The following KIF13B variants were observed in gnomAD, a reference collection of about 807,000 sequenced individuals.
KIF13B encodes the protein kinesin-like protein KIF13B.
Under a neutral mutation model 222.0 loss-of-function variants are expected in KIF13B, and 127 were observed. The ratio of observed to expected loss-of-function variants is 0.57; its 90% CI spans 0.50 to 0.66. The LOEUF (loss-of-function observed/expected upper bound fraction) is 0.66. Among genes scored for constraint, KIF13B ranks in the 30% least tolerant of loss-of-function variants. The pLI is 0.00. For missense variants in KIF13B, 2,173 were observed against 2,379.0 expected, an observed-to-expected ratio of 0.91 and a Z score of 1.80; for synonymous variants, 976 against 919.0, an observed-to-expected ratio of 1.06 and a Z score of -1.12.
At chr8:29,218,254 T>C (rs1157150506) in intron 2 of KIF13B, among the ~76,000 whole-genome samples, 1 of 152,190 alleles carries the variant, frequency 6.6e-6, no homozygotes, top group Non-Finnish European at 1.5e-5. Context: ...TGCCAAATTG[T>C]AGGCATTCAG....
rs1811492091 is a variant in KIF13B, at chr8:29,155,753, A to G, written c.1508T>C (p.Val503Ala). The change falls in exon 14 of 40, where the codon GTT becomes GCT. Residue 503 changes from valine to alanine, a missense_variant. By Grantham distance (64) the Val-to-Ala change is moderately conservative. This residue lies in a region of KIF13B where 1,480 missense variants were observed against 1,722.8 expected (regional missense o/e 0.86). Transcript: ENST00000524189. ...GGTGTTCTTCTGAGGAGTCAGCATAACCTGGCCTTCTGACGTGATGTCTAT... is the reference window on the plus strand; with the variant it reads ...GGTGTTCTTCTGAGGAGTCAGCATAGCCTGGCCTTCTGACGTGATGTCTAT... ...CIIDITSEGQ[V>A]MLTPQKNTRT... 6.2e-7 allele frequency: 1 copy of G among 1,605,448 alleles called. No homozygotes were observed. The highest frequency in any genetic ancestry group is 8.5e-7 in the Non-Finnish European group (1 of 1,175,468).
intron 2 of KIF13B, among the ~76,000 whole-genome samples, chr8:29,209,467 G>C (rs1013696858): frequency 1.3e-5 from 2 of 152,182 alleles, no homozygotes; most frequent in African/African-American, 4.8e-5. Flanking sequence ...GCCAGTGAAA[G>C]GGGAGGTTAG....
intron 12 of KIF13B, among the ~76,000 whole-genome samples, chr8:29,162,702 T>C (rs750770943): frequency 6.6e-5 from 10 of 152,212 alleles, no homozygotes; most frequent in Admixed American, 3.9e-4. Context: ...AAACTGTCAA[T>C]TCATTATTCC....
intron 2 of KIF13B, among the ~76,000 whole-genome samples, chr8:29,208,376 T>C (rs777577189): frequency 1.2e-4 from 19 of 152,210 alleles, no homozygotes; most frequent in Non-Finnish European, 2.4e-4. Flanking sequence ...TGCTGCATCA[T>C]AGTCACAAAA....
chr8:29,139,441 T>C lies in KIF13B; in HGVS notation c.2613+622A>G, dbSNP rs140714000. Among the ~76,000 whole-genome samples, 1,383 of 152,208 alleles carry C rather than the reference T, an allele frequency of 9.1e-3. 8 individuals carry two copies. Among genetic ancestry groups the C allele is most frequent in the African/African-American group, 0.018 (731 of 41,508 alleles). ...AGCTGCTCTGAAATCAAGTACAATA[T>C]AATAAAAATGAACCCTTCAGTGAAT... On this transcript the variant is annotated intron_variant, in intron 21 of 39. Coordinates refer to ENST00000524189, the MANE Select transcript of KIF13B (RefSeq NM_015254.4).
chr8:29,162,010 C>T (rs940054549), intron 12 of KIF13B, among the ~76,000 whole-genome samples: 3 of 152,140 alleles, frequency 2.0e-5, no homozygotes, highest in Admixed American at 6.5e-5. Context: ...TTTCATAACA[C>T]GGGCCTTTCC....
intron 7 of KIF13B, among the ~76,000 whole-genome samples, chr8:29,180,954 G>A (rs186219412): frequency 7.2e-4 from 109 of 152,212 alleles, no homozygotes; most frequent in African/African-American, 2.6e-3. Flanking sequence ...TGCAAAAGTC[G>A]ACTAGATGCT....
chr8:29,157,683 C>T (rs1034370708), intron 13 of KIF13B, among the ~76,000 whole-genome samples: 4 of 151,206 alleles, frequency 2.6e-5, no homozygotes, highest in Non-Finnish European at 2.9e-5. Flanking sequence ...CCAGCCTGGG[C>T]GAAAGAGCAA....
At chr8:29,133,011 A>G (rs189631566) in intron 22 of KIF13B, among the ~76,000 whole-genome samples, 1 of 152,328 alleles carries the variant, frequency 6.6e-6, no homozygotes, top group East Asian at 1.9e-4. Flanking sequence ...CAGTTTATTA[A>G]AGAAATCACA....
chr8:29,250,245 A>T (rs936299288), intron 1 of KIF13B, among the ~76,000 whole-genome samples: 1 of 152,222 alleles, frequency 6.6e-6, no homozygotes, highest in Non-Finnish European at 1.5e-5. Flanking sequence ...CAGGCCTGAA[A>T]AAAATGGGTG....
chr8:29,082,695 C>T (rs1469943646), intron 37 of KIF13B, among the ~76,000 whole-genome samples: 3 of 151,964 alleles, frequency 2.0e-5, no homozygotes, highest in Admixed American at 6.6e-5. Flanking sequence ...CTGATTTAAG[C>T]GTTCATATAA....
intron 10 of KIF13B, among the ~76,000 whole-genome samples, chr8:29,171,578 C>T (rs964567249): frequency 6.6e-6 from 1 of 151,008 alleles, no homozygotes; most frequent in Non-Finnish European, 1.5e-5. Flanking sequence ...GAAAAAGCAA[C>T]AGGGACCTAA....
At chr8:29,226,028 T>C (rs1211595750) in intron 2 of KIF13B, among the ~76,000 whole-genome samples, 1 of 152,142 alleles carries the variant, frequency 6.6e-6, no homozygotes, top group Non-Finnish European at 1.5e-5. Context: ...TAGATGGAAT[T>C]TCAGATGACT....
chr8:29,245,019 C>G (rs965470685), intron 2 of KIF13B, among the ~76,000 whole-genome samples: 15 of 152,200 alleles, frequency 9.9e-5, no homozygotes, highest in African/African-American at 3.1e-4. Context: ...AAAAGCCACT[C>G]ATGCTAAGGA....
intron 1 of KIF13B, among the ~76,000 whole-genome samples, chr8:29,257,516 T>C (rs962164415): frequency 2.0e-5 from 3 of 152,230 alleles, no homozygotes; most frequent in Non-Finnish European, 4.4e-5. Flanking sequence ...CGGACAGTTA[T>C]TGTTTTATGG....
chr8:29,120,283 C>T (rs532442248), intron 29 of KIF13B, among the ~76,000 whole-genome samples: 99 of 115,566 alleles, frequency 8.6e-4, no homozygotes, highest in African/African-American at 3.2e-3. Flanking sequence ...CACCCACTAA[C>T]GTGTCATCTA....
At chr8:29,251,099 C>T (rs764947096) in intron 1 of KIF13B, among the ~76,000 whole-genome samples, 6 of 151,326 alleles carry the variant, frequency 4.0e-5, no homozygotes, top group Non-Finnish European at 7.4e-5. Flanking sequence ...TGCAGTGAGC[C>T]GAGATCACAC....
At position 29,107,285 on chromosome 8, in the gene KIF13B, T is replaced by C. The variant is rs1267139120; in HGVS notation, c.4215+854A>G. On this transcript the variant is annotated intron_variant, in intron 35 of 39. Transcript: ENST00000524189. Reference sequence around the variant, plus strand: ...GCTCACGCCTGTAATCCCAGCACTTTGGGAGGCTGAGGCAGGTGGATTACC... The same window carrying C: ...GCTCACGCCTGTAATCCCAGCACTTCGGGAGGCTGAGGCAGGTGGATTACC... 3.3e-5 allele frequency among the ~76,000 whole-genome samples: 5 copies of C among 152,146 alleles called. No homozygotes were observed. In the East Asian group the frequency reaches 9.7e-4, roughly 29 times the overall value.
intron 2 of KIF13B, among the ~76,000 whole-genome samples, chr8:29,199,584 AAAAAAAAAAAAG>A (rs984901882): frequency 6.6e-6 from 1 of 150,974 alleles, no homozygotes; most frequent in Admixed American, 6.6e-5. Context: ...CAAAAAAAAA[AAAAAAAAAAAAG>A]AAAGAAATCC....
Sources: gnomAD v4.1 joint callset for allele counts (sites outside exome capture counted in the v4.1 genomes callset) on GRCh38, gnomAD v4.1.1 for gene constraint, gnomAD v4.1.1 regional missense constraint, MANE v1.5 for transcripts, NCBI Gene and HGNC (gene_info 2026-07-23, HGNC 2026-07-21) for gene names.